LCORL: variants seen among roughly 807,000 people sequenced by gnomAD.
LCORL encodes the protein ligand-dependent nuclear receptor corepressor-like protein.
LCORL carries 41 observed loss-of-function variants against 141.8 expected under a neutral mutation model. The observed-to-expected ratio is 0.29, with a 90% confidence interval of 0.23 to 0.38. The LOEUF (loss-of-function observed/expected upper bound fraction) is 0.38, where lower values mean the gene tolerates loss of function less well. LCORL is among the 10% of genes least tolerant of loss of function. LCORL has a pLI of 1.00. For missense variants in LCORL, 1,759 were observed against 2,035.0 expected, an observed-to-expected ratio of 0.86 and a Z score of 2.61; for synonymous variants, 618 against 694.1, an observed-to-expected ratio of 0.89 and a Z score of 1.72.
At chr4:17,844,315 C>G (rs1722714758) in exon 8 of LCORL, 1 of 152,112 alleles carries the variant, frequency 6.6e-6, no homozygotes, top group African/African-American at 2.4e-5. Flanking sequence ...TTCTGCAATA[C>G]CCAACGAAAC....
At chr4:17,995,378 T>C (rs1439627980) in intron 1 of LCORL, among the ~76,000 whole-genome samples, 2 of 152,138 alleles carry the variant, frequency 1.3e-5, no homozygotes, top group Non-Finnish European at 2.9e-5. Flanking sequence ...TACTGGCATC[T>C]TGTGGGAAGA....
At chr4:17,942,105 T>C (rs1230053222) in intron 4 of LCORL, among the ~76,000 whole-genome samples, 3 of 152,194 alleles carry the variant, frequency 2.0e-5, no homozygotes, top group Non-Finnish European at 4.4e-5. Context: ...TATAAGCTTT[T>C]AGATCTACTA....
intron 2 of LCORL, among the ~76,000 whole-genome samples, chr4:17,971,356 C>T (rs965941879): frequency 1.1e-4 from 16 of 151,122 alleles, no homozygotes; most frequent in African/African-American, 3.9e-4. Context: ...ACAATTCTTC[C>T]ACATCATTAA....
In LCORL at chr4:17,843,433, G is replaced by A. The variant is rs775104185; in HGVS notation, c.*2455C>T. 14 of 1,610,016 alleles carry A rather than the reference G, an allele frequency of 8.7e-6. No individual in the cohort carries two copies. In the South Asian group the frequency reaches 1.3e-4, roughly 15 times the overall value. On this transcript the variant is annotated 3_prime_UTR_variant, in exon 8 of 8. Transcript: ENST00000635767. Reference sequence around the variant, plus strand: ...AATGAAGATCTAAGTTAGGAAAGACGATGGAGGTGGAATCCTTTAAGATTA... The same window carrying A: ...AATGAAGATCTAAGTTAGGAAAGACAATGGAGGTGGAATCCTTTAAGATTA...
Position 17,893,415 on chromosome 4 carries a change from G to A in LCORL, c.683-7254C>T, listed in dbSNP as rs541344862. 5 of 979,390 alleles carry A rather than the reference G, an allele frequency of 5.1e-6. No homozygotes were observed. In the African/African-American group the frequency reaches 7.0e-5, roughly 14 times the overall value. The allele number at this position is 979,390 out of a possible 1,614,324, so 60.7% of individuals were successfully genotyped here. ...AAATGATTCTGCAGAAAAATACTTA[G>A]TAACATAAGGATGTCAAAAATATAA... On this transcript the variant is annotated intron_variant, in intron 5 of 7. Coordinates refer to ENST00000635767, the Ensembl canonical transcript of LCORL.
At chr4:17,849,861 C>G (rs553551537) in intron 7 of LCORL, among the ~76,000 whole-genome samples, 2 of 150,988 alleles carry the variant, frequency 1.3e-5, no homozygotes, top group African/African-American at 2.4e-5. Context: ...GGAGGCATCA[C>G]GCTACCTGAC....
rs1395202879 is a variant in LCORL at position 18,021,850 on chromosome 4, G to A, written c.-99C>T. ...GCGAGCCCCGGAGCGCGCGCCCCCC[G>A]GAGGGGGGTTGATTGACACGTGTCA... On this transcript the variant is annotated 5_prime_UTR_variant, in exon 1 of 8. Transcript: ENST00000635767. This position sits in a 1 kb window ranked among gnomAD's most constrained non-coding sequence, Gnocchi z 5.5. The A allele has an allele frequency of 2.7e-5, 36 of 1,335,882 alleles. No individual in the cohort carries two copies. Among genetic ancestry groups the A allele is most frequent in the South Asian group, 3.2e-5 (2 of 62,076 alleles). 82.8% of individuals were successfully genotyped at this position (1,335,882 alleles called of 1,614,324 possible). A position where few individuals can be genotyped will look rare whatever the true frequency, so the allele number is the denominator to read the frequency against.
exon 7 of LCORL, chr4:17,874,137 G>C: frequency 8.1e-7 from 1 of 1,233,976 alleles, no homozygotes; most frequent in Non-Finnish European, 1.0e-6. Context: ...CCAGTCAACT[G>C]TTCCATGGTT....
At chr4:17,971,630 C>A (rs1267744354) in intron 2 of LCORL, among the ~76,000 whole-genome samples, 1 of 151,314 alleles carries the variant, frequency 6.6e-6, no homozygotes, top group African/African-American at 2.4e-5. Flanking sequence ...TTTAGAATGG[C>A]TGTACTAGTA....
At chr4:17,847,842 T>C (rs1316784333) in intron 7 of LCORL, among the ~76,000 whole-genome samples, 1 of 152,214 alleles carries the variant, frequency 6.6e-6, no homozygotes, top group Admixed American at 6.5e-5. Flanking sequence ...GTACACCTTT[T>C]TGAGAAACTC....
chr4:17,988,640 G>C (rs1385523789), intron 1 of LCORL, among the ~76,000 whole-genome samples: 1 of 151,976 alleles, frequency 6.6e-6, no homozygotes, highest in Non-Finnish European at 1.5e-5. Flanking sequence ...TTGTTTACTG[G>C]ATTTATTCTT....
intron 4 of LCORL, chr4:17,911,942 A>T: frequency 1.7e-6 from 1 of 576,204 alleles, no homozygotes. Flanking sequence ...CTGAATGGCC[A>T]GACCATGCAA....
chr4:17,850,993 T>C (rs1219672406), intron 7 of LCORL, among the ~76,000 whole-genome samples: 8 of 148,392 alleles, frequency 5.4e-5, no homozygotes, highest in African/African-American at 1.5e-4. Context: ...ATGGATGAAA[T>C]TGGAAATCAT....
Position 17,881,702 on chromosome 4 carries a change from A to G in LCORL, c.777-3489T>C, listed in dbSNP as rs1441815940. 9 of 940,104 alleles carry G rather than the reference A, an allele frequency of 9.6e-6. No individual in the cohort carries two copies. The East Asian group carries it at 1.0e-3, about 109-fold the overall frequency. The allele number at this position is 940,104 out of a possible 1,614,324, so 58.2% of individuals were successfully genotyped here. On this transcript the variant is annotated intron_variant, in intron 6 of 7. Transcript: ENST00000635767. ...CTTCTCAATCAATTTATTAATGTAA[A>G]TATAGTGTGAGGAATAAAAAAGCTC...
chr4:17,881,212 A>G (rs1727529002), intron 6 of LCORL: 4 of 982,332 alleles, frequency 4.1e-6, no homozygotes, highest in South Asian at 9.4e-5. Flanking sequence ...TAGAAAGCAC[A>G]TAAGGGTTGC....
At chr4:17,961,979 T>C in exon 4 of LCORL, 1 of 1,609,394 alleles carries the variant, frequency 6.2e-7, no homozygotes. Context: ...GGCCCTGAGA[T>C]GATAGCTCCT....
At chr4:17,941,688 A>C (rs1160387337) in intron 4 of LCORL, among the ~76,000 whole-genome samples, 4 of 152,200 alleles carry the variant, frequency 2.6e-5, no homozygotes, top group Non-Finnish European at 5.9e-5. Context: ...AAGTATTGTA[A>C]TTGAAAAGGA....
chr4:17,892,921 T>C (rs547809803), intron 5 of LCORL, among the ~76,000 whole-genome samples: 1 of 152,356 alleles, frequency 6.6e-6, no homozygotes, highest in Non-Finnish European at 1.5e-5. Flanking sequence ...AAATATATTA[T>C]TTAAAACATG....
At chr4:17,922,066 G>A (rs1284752121) in intron 4 of LCORL, among the ~76,000 whole-genome samples, 1 of 152,124 alleles carries the variant, frequency 6.6e-6, no homozygotes, top group Non-Finnish European at 1.5e-5. Context: ...TCCTTACTCT[G>A]CAGCTTGCAG....
Sources: allele counts gnomAD v4.1 joint callset (sites outside exome capture counted in the v4.1 genomes callset), GRCh38; gene constraint gnomAD v4.1.1; non-coding constraint Gnocchi (gnomAD v3.1); transcripts MANE v1.5; gene names NCBI Gene and HGNC (gene_info 2026-07-23, HGNC 2026-07-21).